SUGCT: variants seen among roughly 807,000 people sequenced by gnomAD.
The protein encoded by SUGCT is succinyl-CoA:glutarate-CoA transferase, also known as succinyl-CoA:glutarate CoA-transferase.
In SUGCT, 41 loss-of-function variants were observed where a neutral mutation model predicts 55.0. That is an observed-to-expected ratio of 0.74 (90% CI 0.58 to 0.97). The LOEUF (loss-of-function observed/expected upper bound fraction) is 0.97, where lower values mean the gene tolerates loss of function less well. SUGCT is among the 50% of genes least tolerant of loss of function. The pLI, the probability that SUGCT is intolerant of heterozygous loss-of-function variation, is 0.00. For missense variants in SUGCT, 568 were observed against 547.8 expected, an observed-to-expected ratio of 1.04 and a Z score of -0.37; for synonymous variants, 187 against 200.4, an observed-to-expected ratio of 0.93 and a Z score of 0.56.
chr7:40,761,074 C>G (rs915308684), intron 13 of SUGCT, among the ~76,000 whole-genome samples: 2 of 152,194 alleles, frequency 1.3e-5, no homozygotes, highest in Admixed American at 1.3e-4. Flanking sequence ...TAAAACAAAT[C>G]ATCCTTTCGT....
At chr7:40,239,348 C>T (rs1789218541) in intron 7 of SUGCT, among the ~76,000 whole-genome samples, 1 of 152,190 alleles carries the variant, frequency 6.6e-6, no homozygotes, top group African/African-American at 2.4e-5. Flanking sequence ...GATGGGATTA[C>T]AGGCATGAGC....
intron 12 of SUGCT, among the ~76,000 whole-genome samples, chr7:40,682,216 G>T (rs541499687): frequency 6.6e-6 from 1 of 152,220 alleles, no homozygotes; most frequent in East Asian, 1.9e-4. Context: ...GCCTGGAAAG[G>T]GCATGGAAGC....
chr7:40,920,350 A>G, the SUGCT span, among the ~76,000 whole-genome samples: 1 of 152,160 alleles, frequency 6.6e-6, no homozygotes, highest in Admixed American at 6.5e-5. Context: ...AGGACAAATG[A>G]CAATTATGAG....
At chr7:40,863,371 T>C (rs1220151005), downstream of SUGCT, among the ~76,000 whole-genome samples, 2 of 152,208 alleles carry the variant, frequency 1.3e-5, no homozygotes, top group African/African-American at 4.8e-5. Context: ...TCACCTGAGT[T>C]TGCTATTTCA....
At chr7:40,146,464 C>T (rs1361721534) in intron 1 of SUGCT, among the ~76,000 whole-genome samples, 1 of 152,106 alleles carries the variant, frequency 6.6e-6, no homozygotes, top group Non-Finnish European at 1.5e-5. Flanking sequence ...GCGCTGAGAG[C>T]CTTGAACAGA....
At chr7:40,264,296 T>C (rs1045086192) in intron 7 of SUGCT, among the ~76,000 whole-genome samples, 1 of 152,202 alleles carries the variant, frequency 6.6e-6, no homozygotes, top group Non-Finnish European at 1.5e-5. Flanking sequence ...TTGTTATGCC[T>C]GTTTATAGAT....
At chr7:40,188,244 G>A (rs1355211008) in intron 3 of SUGCT, among the ~76,000 whole-genome samples, 1 of 151,856 alleles carries the variant, frequency 6.6e-6, no homozygotes, top group East Asian at 1.9e-4. Context: ...GACCAGCCTG[G>A]CCAACATGGT....
At chr7:40,493,831 A>G (rs1169046310) in intron 11 of SUGCT, among the ~76,000 whole-genome samples, 1 of 152,214 alleles carries the variant, frequency 6.6e-6, no homozygotes, top group African/African-American at 2.4e-5. Context: ...AAAGGATTCC[A>G]CATCCGATTT....
intron 9 of SUGCT, among the ~76,000 whole-genome samples, chr7:40,331,717 C>G (rs1401911224): frequency 1.3e-5 from 2 of 152,180 alleles, no homozygotes; most frequent in Non-Finnish European, 2.9e-5. Context: ...TCCTTTTCCT[C>G]TGCCTGGCCA....
rs374676719 is a variant in SUGCT at position 40,441,299 on chromosome 7, T to C, written c.817-7988T>C. ...ACAGGTTAATTATTAATAAATGTCTTGGGTGGGATTCATTTTGCTATTTTA... is the reference window on the plus strand; with the variant it reads ...ACAGGTTAATTATTAATAAATGTCTCGGGTGGGATTCATTTTGCTATTTTA... On this transcript the variant is annotated intron_variant, in intron 9 of 13. Coordinates refer to ENST00000335693, the MANE Select transcript of SUGCT (RefSeq NM_001193313.2). 1.1e-4 allele frequency among the ~76,000 whole-genome samples: 17 copies of C among 152,302 alleles called. No homozygotes were observed. The South Asian group carries it at 1.5e-3, about 13-fold the overall frequency.
At chr7:40,598,424 A>G (rs1425808811) in intron 12 of SUGCT, among the ~76,000 whole-genome samples, 1 of 152,224 alleles carries the variant, frequency 6.6e-6, no homozygotes, top group Non-Finnish European at 1.5e-5. Flanking sequence ...GTATATCAGC[A>G]TGCCAGGTCA....
chr7:40,445,032 A>C (rs1788737909), intron 9 of SUGCT, among the ~76,000 whole-genome samples: 1 of 152,084 alleles, frequency 6.6e-6, no homozygotes, highest in African/African-American at 2.4e-5. Context: ...ATGTTTATTG[A>C]TTTGCATATG....
chr7:40,568,583 G>A (rs532450425), intron 12 of SUGCT, among the ~76,000 whole-genome samples: 16 of 152,170 alleles, frequency 1.1e-4, no homozygotes, highest in Non-Finnish European at 1.2e-4. Context: ...CATAGTCGTC[G>A]TTGGTGGTGA....
intron 12 of SUGCT, among the ~76,000 whole-genome samples, chr7:40,503,125 G>A (rs1792382527): frequency 6.6e-6 from 1 of 151,952 alleles, no homozygotes; most frequent in Non-Finnish European, 1.5e-5. Flanking sequence ...TTTTGAGGGA[G>A]TTGAAAAGAA....
At chr7:40,663,690 G>C (rs17171756) in intron 12 of SUGCT, among the ~76,000 whole-genome samples, 26,751 of 151,858 alleles carry the variant, frequency 0.18, 2,481 homozygotes, top group African/African-American at 0.2. Context: ...CCTCTCAATT[G>C]TATTTATCTG....
chr7:40,491,888 G>T (rs1443228584), intron 11 of SUGCT, among the ~76,000 whole-genome samples: 1 of 152,116 alleles, frequency 6.6e-6, no homozygotes, highest in Non-Finnish European at 1.5e-5. Context: ...TATCTGGGAG[G>T]CTGAGGCTGG....
intron 1 of SUGCT, among the ~76,000 whole-genome samples, chr7:40,174,540 A>C (rs1227623773): frequency 6.6e-6 from 1 of 152,216 alleles, no homozygotes; most frequent in African/African-American, 2.4e-5. Context: ...TAGCAGGCTC[A>C]GGTGAGAGGA....
intron 12 of SUGCT, among the ~76,000 whole-genome samples, chr7:40,562,473 T>A (rs1297339609): frequency 6.6e-6 from 1 of 152,016 alleles, no homozygotes; most frequent in Non-Finnish European, 1.5e-5. Flanking sequence ...AAGGTGTAGA[T>A]CTAATGTATT....
chr7:40,420,590 C>T (rs11980965), intron 9 of SUGCT, among the ~76,000 whole-genome samples: 82,952 of 151,870 alleles, frequency 0.55, 22,819 homozygotes, highest in South Asian at 0.65. Flanking sequence ...CCACCTGCTT[C>T]GGCCTCCCAA....
Sources: allele counts gnomAD v4.1 joint callset (sites outside exome capture counted in the v4.1 genomes callset), GRCh38; gene constraint gnomAD v4.1.1; transcripts MANE v1.5; gene names NCBI Gene and HGNC (gene_info 2026-07-23, HGNC 2026-07-21).